SORCS1: variants seen among roughly 807,000 people sequenced by gnomAD.
The protein encoded by SORCS1 is VPS10 domain-containing receptor SorCS1.
In SORCS1, 60 loss-of-function variants were observed where a neutral mutation model predicts 146.1. The observed-to-expected ratio is 0.41, with a 90% CI of 0.33 to 0.51. The LOEUF (loss-of-function observed/expected upper bound fraction) is 0.51, where lower values mean the gene tolerates loss of function less well. Ranked by LOEUF, SORCS1 falls within the 20% of genes least tolerant of loss-of-function variation. The pLI is 0.21. For synonymous variants in SORCS1, 637 were observed against 584.0 expected (o/e 1.09, Z -1.31); for missense variants, 1,352 against 1,487.6 (o/e 0.91, Z 1.50).
chr10:106,812,471 A>C (rs902034075), intron 3 of SORCS1, among the ~76,000 whole-genome samples: 2 of 152,218 alleles, frequency 1.3e-5, no homozygotes, highest in African/African-American at 4.8e-5. Context: ...GGTTACTTTA[A>C]ATACCACTTA....
chr10:106,922,702 G>T (rs1055813436), intron 2 of SORCS1, among the ~76,000 whole-genome samples: 1 of 151,712 alleles, frequency 6.6e-6, no homozygotes. Flanking sequence ...TATTATTATC[G>T]CCCAAATCCG....
chr10:106,725,098 C>A (rs1279516145), intron 6 of SORCS1, among the ~76,000 whole-genome samples: 1 of 151,856 alleles, frequency 6.6e-6, no homozygotes, highest in Non-Finnish European at 1.5e-5. Context: ...TGAGAGTGCA[C>A]CACTGCACTC....
chr10:107,043,874 G>C (rs1959194111), intron 1 of SORCS1, among the ~76,000 whole-genome samples: 1 of 152,188 alleles, frequency 6.6e-6, no homozygotes, highest in Non-Finnish European at 1.5e-5. Context: ...GTCATTGAAT[G>C]GAACCAAATC....
chr10:106,802,751 G>A (rs1316538365), intron 3 of SORCS1, among the ~76,000 whole-genome samples: 1 of 151,730 alleles, frequency 6.6e-6, no homozygotes, highest in African/African-American at 2.4e-5. Context: ...TGCCCACCTC[G>A]GCCTCCCAAA....
At chr10:107,125,779 T>C (rs529790089) in intron 1 of SORCS1, among the ~76,000 whole-genome samples, 1 of 152,216 alleles carries the variant, frequency 6.6e-6, no homozygotes, top group African/African-American at 2.4e-5. Context: ...CCTCTGCTAC[T>C]AATAACTGAA....
At chr10:106,819,190 A>T (rs554633650) in intron 3 of SORCS1, among the ~76,000 whole-genome samples, 1 of 152,198 alleles carries the variant, frequency 6.6e-6, no homozygotes, top group Admixed American at 6.5e-5. Context: ...GCTGGTTTTG[A>T]CTCTTTATTT....
Position 106,822,782 on chromosome 10 carries a change from G to GTTTT in SORCS1, c.726+6788_726+6791dup, listed in dbSNP as rs1158921880. ...CACTATGTCTCTGAATTCATGTGTG[G>GTTTT]TTTTTTTTTTTTTTTTTTTTGAATA... On this transcript the variant is annotated intron_variant, in intron 3 of 25. Transcript: ENST00000263054. Among the ~76,000 whole-genome samples, 107 of 113,138 alleles carry GTTTT rather than the reference G, an allele frequency of 9.5e-4. 4 individuals carry two copies. The highest frequency in any genetic ancestry group is 1.1e-3 in the African/African-American group (29 of 26,318). The allele number at this position is 113,138 out of a possible 152,430, so 74.2% of individuals were successfully genotyped here.
chr10:107,114,784 G>T lies in SORCS1; in HGVS notation c.558+49185C>A, dbSNP rs1009618277. On this transcript the variant is annotated intron_variant, in intron 1 of 25. Coordinates refer to ENST00000263054, the MANE Select transcript of SORCS1 (RefSeq NM_052918.5). The stretch of plus-strand genomic sequence containing the variant: ...ATTGTGTGATAATAAGAAAGAAAAT[G>T]CATCCAAATTGGAAATGAAAAAGTT... 2.8e-4 allele frequency among the ~76,000 whole-genome samples: 42 copies of T among 152,050 alleles called. 1 individual carries two copies. Among genetic ancestry groups the T allele is most frequent in the African/African-American group, 1.0e-3 (42 of 41,412 alleles).
intron 2 of SORCS1, among the ~76,000 whole-genome samples, chr10:106,890,236 C>T (rs907284817): frequency 1.3e-5 from 2 of 152,208 alleles, no homozygotes; most frequent in Non-Finnish European, 2.9e-5. Context: ...TCACTGGGAA[C>T]TCTGACATTT....
At chr10:107,161,376 GAA>G (rs1969690845) in intron 1 of SORCS1, among the ~76,000 whole-genome samples, 1 of 152,194 alleles carries the variant, frequency 6.6e-6, no homozygotes, top group Non-Finnish European at 1.5e-5. Flanking sequence ...ATCTAAATGT[GAA>G]AAGATAAGAG....
chr10:107,034,032 G>C (rs1011519795), intron 1 of SORCS1, among the ~76,000 whole-genome samples: 11 of 152,154 alleles, frequency 7.2e-5, no homozygotes, highest in Non-Finnish European at 1.5e-4. Flanking sequence ...TAGTGGGGTG[G>C]GAAAACTGTT....
intron 1 of SORCS1, among the ~76,000 whole-genome samples, chr10:107,122,616 C>G (rs1240367713): frequency 6.6e-6 from 1 of 152,000 alleles, no homozygotes; most frequent in African/African-American, 2.4e-5. Flanking sequence ...AGTTAATTTT[C>G]TTTAACTTTG....
chr10:106,799,048 C>T (rs1033966541), intron 3 of SORCS1, among the ~76,000 whole-genome samples: 1 of 152,140 alleles, frequency 6.6e-6, no homozygotes, highest in Non-Finnish European at 1.5e-5. Context: ...ATCAACGGAA[C>T]AGAACAGAGC....
At chr10:106,946,293 T>C (rs1485947013) in intron 2 of SORCS1, among the ~76,000 whole-genome samples, 1 of 152,228 alleles carries the variant, frequency 6.6e-6, no homozygotes, top group Admixed American at 6.5e-5. Flanking sequence ...GACATGGTCA[T>C]AGTCTTTGGA....
intron 8 of SORCS1, 111 bp from the exon 9 acceptor site, chr10:106,699,504 T>A: frequency 7.0e-6 from 6 of 862,014 alleles, no homozygotes; most frequent in South Asian, 2.2e-5. Flanking sequence ...AGCACTTTAA[T>A]GGAAGATAGC....
Position 106,652,461 on chromosome 10 carries a change from C to A in SORCS1, c.2396G>T (p.Gly799Val), listed in dbSNP as rs1448226292. 6.2e-7 allele frequency: 1 copy of A among 1,614,016 alleles called. No individual in the cohort carries two copies. The highest frequency in any genetic ancestry group is 8.5e-7 in the Non-Finnish European group (1 of 1,180,014). The change falls in exon 18 of 26, where the codon GGG becomes GTG. Residue 799 changes from glycine (G) to valine (V), a missense_variant. Coordinates refer to ENST00000263054, the MANE Select transcript of SORCS1 (RefSeq NM_052918.5). ...TCCATCAGCCGTGACTATCCGCAGC[C>A]CCCGCGGGGCTTTCCCTGGGCACTT... is the stretch of plus-strand genomic sequence containing the variant. ...PQKCPGKAPR[G>V]LRIVTADGKL...
chr10:106,977,756 G>A lies in SORCS1; in HGVS notation c.559-21176C>T, dbSNP rs916722301. On this transcript the variant is annotated intron_variant, in intron 1 of 25. Transcript: ENST00000263054. ...ATCTTTTAAATATGAGCCAATATGG[G>A]ACAAATGAGATTATTTGTGCTGGAA... Among the ~76,000 whole-genome samples the A allele has an allele frequency of 5.3e-5, 8 of 152,024 alleles. No homozygotes were observed. In the South Asian group the frequency reaches 6.2e-4, roughly 12 times the overall value.
At chr10:106,605,570 C>T (rs1157357597) in intron 23 of SORCS1, among the ~76,000 whole-genome samples, 2 of 152,136 alleles carry the variant, frequency 1.3e-5, no homozygotes, top group Non-Finnish European at 2.9e-5. Flanking sequence ...ATCTGCTTTC[C>T]CTCTGGGTTC....
intron 1 of SORCS1, among the ~76,000 whole-genome samples, chr10:107,039,713 TCCACCACTG>T (rs1232144763): frequency 1.3e-5 from 2 of 152,194 alleles, no homozygotes; most frequent in Non-Finnish European, 2.9e-5. Context: ...CTAGACATCT[TCCACCACTG>T]CAATCTATGT....
Sources: allele counts gnomAD v4.1 joint callset (sites outside exome capture counted in the v4.1 genomes callset), GRCh38; gene constraint gnomAD v4.1.1; transcripts MANE v1.5; gene names NCBI Gene and HGNC (gene_info 2026-07-23, HGNC 2026-07-21).